Variants in IFT52 observed in about 807,000 individuals in gnomAD.
IFT52 encodes the protein intraflagellar transport 52.
A neutral mutation model predicts 54.4 loss-of-function variants in IFT52; 44 were observed. That is an observed-to-expected ratio of 0.81 (90% CI 0.63 to 1.04). The LOEUF is 1.04. IFT52 is among the 50% of genes least tolerant of loss of function. IFT52 has a pLI of 0.00. For missense variants in IFT52, 452 were observed against 523.6 expected, an observed-to-expected ratio of 0.86 and a Z score of 1.33; for synonymous variants, 181 against 185.3, an observed-to-expected ratio of 0.98 and a Z score of 0.19.
chr20:43,622,294 G>A (rs1984357620), intron 9 of IFT52, among the ~76,000 whole-genome samples: 1 of 152,116 alleles, frequency 6.6e-6, no homozygotes, highest in African/African-American at 2.4e-5. Context: ...CATTATTTAA[G>A]TGTAATATAT....
chr20:43,637,662 G>A (rs1985637617), intron 12 of IFT52, among the ~76,000 whole-genome samples: 1 of 152,042 alleles, frequency 6.6e-6, no homozygotes, highest in Non-Finnish European at 1.5e-5. Context: ...GTTTGTTTAG[G>A]GAAAACAAAA....
chr20:43,603,757 T>C lies in IFT52; in HGVS notation c.208-3T>C, dbSNP rs1208428254. ...TCATAGATTGCTTTTTTCCTTTGTG[T>C]AGTTTGAAATCCTGAAGAAATATCT... On this transcript the variant is annotated splice_region_variant and splice_polypyrimidine_tract_variant and intron_variant, in intron 3 of 13. Coordinates refer to ENST00000373030, the MANE Select transcript of IFT52 (RefSeq NM_016004.5). The C allele has an allele frequency of 6.2e-7, 1 of 1,611,828 alleles. No homozygotes were observed. Among genetic ancestry groups the C allele is most frequent in the Admixed American group, 1.7e-5 (1 of 59,508 alleles).
rs561664370 is a variant in IFT52, at chr20:43,623,929, A to G, written c.807A>G (p.Leu269=). 1.6e-4 allele frequency: 258 copies of G among 1,614,120 alleles called. 1 individual carries two copies. The South Asian group carries it at 2.7e-3, about 17-fold the overall frequency. ...DYMMLPYTAT[L]SKRNRECLQE... ...TGATGCTGCCCTACACAGCCACCCT[A>G]TCAAAGCGGAATCGAGAGTGTCTCC... The change falls in exon 10 of 14, where the codon CTA becomes CTG. Residue 269 remains leucine, a synonymous_variant. Transcript: ENST00000373030.
intron 3 of IFT52, among the ~76,000 whole-genome samples, chr20:43,600,164 A>C (rs1475359155): frequency 6.6e-6 from 1 of 152,226 alleles, no homozygotes; most frequent in African/African-American, 2.4e-5. Flanking sequence ...AATGTTTAAT[A>C]AGTATGTAGA....
chr20:43,634,963 G>A (rs1254573769), intron 10 of IFT52, among the ~76,000 whole-genome samples: 2 of 152,068 alleles, frequency 1.3e-5, no homozygotes, highest in African/African-American at 2.4e-5. Context: ...GAGGTCAGGA[G>A]TTCAAGACCA....
At chr20:43,612,483 A>C (rs1157423434) in intron 6 of IFT52, among the ~76,000 whole-genome samples, 3 of 152,102 alleles carry the variant, frequency 2.0e-5, no homozygotes, top group African/African-American at 7.2e-5. Flanking sequence ...GCCTGAGCTC[A>C]GGAGTTCAAG....
chr20:43,594,595 T>C, intron 1 of IFT52, 98 bp from the exon 2 acceptor site: 2 of 698,870 alleles, frequency 2.9e-6, no homozygotes, highest in Non-Finnish European at 5.1e-6. Flanking sequence ...TTGTATACCC[T>C]TTCTTGATAA....
chr20:43,612,226 T>C (rs1401026402), intron 6 of IFT52, among the ~76,000 whole-genome samples: 2 of 152,136 alleles, frequency 1.3e-5, no homozygotes, highest in African/African-American at 4.8e-5. Context: ...GCTTGTTTTC[T>C]TCTGCTTCTG....
chr20:43,600,456 C>T (rs1982336391), intron 3 of IFT52, among the ~76,000 whole-genome samples: 1 of 152,018 alleles, frequency 6.6e-6, no homozygotes, highest in Admixed American at 6.6e-5. Context: ...AGGTGCCCAC[C>T]ACCACGCCCG....
chr20:43,624,171 A>G (rs752159404), intron 10 of IFT52, 126 bp downstream of exon 10: 19 of 1,040,766 alleles, frequency 1.8e-5, no homozygotes, highest in Middle Eastern at 3.1e-4. Context: ...TCTCAGATCT[A>G]TGATGAGGTC....
At chr20:43,614,576 C>T (rs1025931816) in intron 7 of IFT52, among the ~76,000 whole-genome samples, 2 of 150,284 alleles carry the variant, frequency 1.3e-5, no homozygotes, top group African/African-American at 4.9e-5. Context: ...ATGAAAATAA[C>T]TTTTAATCCT....
Position 43,637,160 on chromosome 20 carries a change from T to G in IFT52, c.1027T>G (p.Phe343Val), listed in dbSNP as rs1429263378. ...TLQPAVFPPS[F>V]RELPPPPLEL... The stretch of plus-strand genomic sequence containing the variant: ...TTCCTTTTAGGTTTTTCCTCCCAGT[T>G]TCCGGGAGTTACCACCTCCTCCTCT... Residue 343 changes from phenylalanine to valine, a missense_variant, in exon 12 of 14, where the codon TTC becomes GTC. Coordinates refer to ENST00000373030, the MANE Select transcript of IFT52 (RefSeq NM_016004.5). 1 of 1,610,856 alleles carries G rather than the reference T, an allele frequency of 6.2e-7. No homozygotes were observed. The highest frequency in any genetic ancestry group is 2.2e-5 in the East Asian group (1 of 44,798).
chr20:43,604,242 A>G lies in IFT52; in HGVS notation c.397A>G (p.Ser133Gly), dbSNP rs778060365. 15 of 1,610,308 alleles carry G rather than the reference A, an allele frequency of 9.3e-6. No homozygotes were observed. Among genetic ancestry groups the G allele is most frequent in the Non-Finnish European group, 1.1e-5 (13 of 1,176,666 alleles). Reference sequence around the variant, plus strand: ...CCATCCTAAAGAAGCTCTAGTTTCCAGTGGAGTCTTGAACAGGTAAGCATG... The same window carrying G: ...CCATCCTAAAGAAGCTCTAGTTTCCGGTGGAGTCTTGAACAGGTAAGCATG... ...YFHPKEALVS[S>G]GVLNREISRA... is the part of the protein sequence containing the mutation. Residue 133 changes from serine to glycine, a missense_variant, in exon 5 of 14, where the codon AGT becomes GGT. By Grantham distance (56) the Ser-to-Gly change is moderately conservative. Coordinates refer to ENST00000373030, the MANE Select transcript of IFT52 (RefSeq NM_016004.5).
At chr20:43,595,541 C>CT (rs1981882980) in intron 2 of IFT52, among the ~76,000 whole-genome samples, 1 of 151,546 alleles carries the variant, frequency 6.6e-6, no homozygotes, top group South Asian at 2.1e-4. Context: ...GAGCGAGACT[C>CT]TGTCTAAAAA....
At chr20:43,626,689 T>A (rs1984745897) in intron 10 of IFT52, among the ~76,000 whole-genome samples, 1 of 152,174 alleles carries the variant, frequency 6.6e-6, no homozygotes, top group South Asian at 2.1e-4. Flanking sequence ...TTTCTTTCAA[T>A]GGACCATAAA....
intron 10 of IFT52, among the ~76,000 whole-genome samples, chr20:43,635,286 C>T (rs536347020): frequency 1.4e-4 from 22 of 152,094 alleles, no homozygotes; most frequent in South Asian, 8.3e-4. Flanking sequence ...TGGCAAAGGA[C>T]ATGATCTCAT....
chr20:43,616,898 G>A (rs1396864026), intron 7 of IFT52, among the ~76,000 whole-genome samples: 1 of 151,770 alleles, frequency 6.6e-6, no homozygotes, highest in African/African-American at 2.4e-5. Context: ...CTGTAGTCCT[G>A]GCTACTTGGG....
intron 2 of IFT52, among the ~76,000 whole-genome samples, chr20:43,595,713 T>C (rs1297029574): frequency 6.6e-6 from 1 of 151,862 alleles, no homozygotes; most frequent in Non-Finnish European, 1.5e-5. Context: ...TGGCAAAACC[T>C]CATCTCTACT....
Position 43,642,555 on chromosome 20 carries a change from C to T in IFT52, c.1197C>T (p.Asp399=), listed in dbSNP as rs1363195447. Reference sequence around the variant, plus strand: ...GAGTAACCAGTAAACTACCAAAGGACCAACAGGATGCCAAACATATCCTTG... The same window carrying T: ...GAGTAACCAGTAAACTACCAAAGGATCAACAGGATGCCAAACATATCCTTG... ...ILGVTSKLPK[D]QQDAKHILEH... The change falls in exon 13 of 14, where the codon GAC becomes GAT. Residue 399 remains aspartate, a synonymous_variant. Coordinates refer to ENST00000373030, the MANE Select transcript of IFT52 (RefSeq NM_016004.5). The T allele has an allele frequency of 2.5e-6, 4 of 1,614,028 alleles. No homozygotes were observed. The highest frequency in any genetic ancestry group is 3.4e-6 in the Non-Finnish European group (4 of 1,180,022).
Sources: gnomAD v4.1 joint callset for allele counts (sites outside exome capture counted in the v4.1 genomes callset) on GRCh38, gnomAD v4.1.1 for gene constraint, MANE v1.5 for transcripts, NCBI Gene and HGNC (gene_info 2026-07-23, HGNC 2026-07-21) for gene names.